Variants in COL15A1 observed in about 807,000 individuals in gnomAD.
COL15A1 encodes the protein collagen type XV alpha 1 chain.
In COL15A1, 111 loss-of-function variants were observed where a neutral mutation model predicts 165.9. The observed-to-expected ratio is 0.67, with a 90% CI of 0.57 to 0.78. The LOEUF is 0.78. COL15A1 is among the 30% of genes least tolerant of loss of function. The pLI is 0.00. For missense variants in COL15A1, 1,745 were observed against 1,789.7 expected (o/e 0.98, Z 0.45); for synonymous variants, 659 against 674.8 (o/e 0.98, Z 0.36).
At chr9:99,001,739 T>G (rs983901763) in intron 7 of COL15A1, among the ~76,000 whole-genome samples, 2 of 152,170 alleles carry the variant, frequency 1.3e-5, no homozygotes, top group Non-Finnish European at 2.9e-5. Flanking sequence ...TTTTAACATC[T>G]GCAGGGGCTG....
intron 2 of COL15A1, among the ~76,000 whole-genome samples, chr9:98,980,387 G>A (rs1273704187): frequency 6.6e-6 from 1 of 152,248 alleles, no homozygotes; most frequent in South Asian, 2.1e-4. Context: ...GAGGTGAAGC[G>A]AGATTTCAGG....
chr9:98,991,722 C>T (rs1481908020), intron 5 of COL15A1, among the ~76,000 whole-genome samples: 1 of 152,082 alleles, frequency 6.6e-6, no homozygotes, highest in Admixed American at 6.5e-5. Flanking sequence ...ATTAGCTAGA[C>T]ACAGAGAACT....
intron 16 of COL15A1, among the ~76,000 whole-genome samples, chr9:99,027,509 T>A (rs1839146183): frequency 6.6e-6 from 1 of 152,194 alleles, no homozygotes; most frequent in South Asian, 2.1e-4. Context: ...ACCACAGACC[T>A]ACACTCTTCT....
rs578081273 is a variant in COL15A1 at position 98,970,809 on chromosome 9, G to A, written c.101-14756G>A. ...TGTGTCAGTGTGTGAGTTTGTATGA[G>A]TCTAGGGTGAGTGCGGGTGGAGGTG... On this transcript the variant is annotated intron_variant, in intron 2 of 41. Transcript: ENST00000375001. 3.3e-5 allele frequency among the ~76,000 whole-genome samples: 5 copies of A among 152,098 alleles called. No homozygotes were observed. In the South Asian group the frequency reaches 1.0e-3, roughly 32 times the overall value.
At chr9:98,947,804 C>T (rs1837609242) in intron 2 of COL15A1, among the ~76,000 whole-genome samples, 1 of 152,170 alleles carries the variant, frequency 6.6e-6, no homozygotes, top group African/African-American at 2.4e-5. Flanking sequence ...AGAACACATG[C>T]ATATGGGTTT....
chr9:98,950,449 T>G (rs1385116108), intron 2 of COL15A1, among the ~76,000 whole-genome samples: 7 of 146,394 alleles, frequency 4.8e-5, no homozygotes, highest in Non-Finnish European at 1.1e-4. Flanking sequence ...TCTTTCTCCT[T>G]CCTTCCCTCC....
intron 39 of COL15A1, among the ~76,000 whole-genome samples, chr9:99,064,014 A>G (rs528876378): frequency 3.9e-5 from 6 of 152,298 alleles, no homozygotes; most frequent in African/African-American, 1.4e-4. Context: ...ACTCCATCAC[A>G]GGAAGAACAG....
At chr9:98,947,879 A>G (rs532409091) in intron 2 of COL15A1, among the ~76,000 whole-genome samples, 7 of 152,172 alleles carry the variant, frequency 4.6e-5, no homozygotes, top group Non-Finnish European at 1.0e-4. Context: ...TGCACGCCCT[A>G]AAACAGCACA....
chr9:99,024,288 T>TTTG lies in COL15A1; in HGVS notation c.1855-584_1855-583insGTT, dbSNP rs1839082687. Among the ~76,000 whole-genome samples, 2 of 145,310 alleles carry TTTG rather than the reference T, an allele frequency of 1.4e-5. 1 individual carries two copies. The highest frequency in any genetic ancestry group is 5.2e-5 in the African/African-American group (2 of 38,804). On this transcript the variant is annotated intron_variant, in intron 14 of 41. Coordinates refer to ENST00000375001, the MANE Select transcript of COL15A1 (RefSeq NM_001855.5). ...AAGCAGTTTTTTTTGTTTTTTTGTTTTTTTTTTTTTGAGATGGAGTCTTGC... is the reference window on the plus strand; with the variant it reads ...AAGCAGTTTTTTTTGTTTTTTTGTTTTTGTTTTTTTTTTGAGATGGAGTCTTGC...
intron 35 of COL15A1, among the ~76,000 whole-genome samples, chr9:99,059,299 A>T (rs1825773556): frequency 6.6e-6 from 1 of 152,196 alleles, no homozygotes; most frequent in Non-Finnish European, 1.5e-5. Context: ...CAGCCCAGGG[A>T]AGAAGAAATG....
intron 28 of COL15A1, 110 bp from the exon 29 acceptor site, chr9:99,049,580 G>A: frequency 7.4e-7 from 1 of 1,352,998 alleles, no homozygotes; most frequent in East Asian, 2.5e-5. Context: ...GAGAGAAGTT[G>A]GTTGGCTTCA....
intron 13 of COL15A1, among the ~76,000 whole-genome samples, chr9:99,022,702 G>T (rs1041733673): frequency 2.0e-5 from 3 of 152,160 alleles, no homozygotes; most frequent in African/African-American, 7.2e-5. Context: ...AGCTCTTCTG[G>T]GTGCCTCTCA....
chr9:99,020,583 G>A (rs948510731), intron 12 of COL15A1, 141 bp downstream of exon 12: 1 of 641,240 alleles, frequency 1.6e-6, no homozygotes, highest in Non-Finnish European at 2.8e-6. Context: ...AAATGGACTT[G>A]TAGGTCTGGG....
Position 99,047,859 on chromosome 9 carries a change from G to A in COL15A1, c.2733+20G>A. 1 of 1,613,892 alleles carries A rather than the reference G, an allele frequency of 6.2e-7. No individual in the cohort carries two copies. The highest frequency in any genetic ancestry group is 8.5e-7 in the Non-Finnish European group (1 of 1,179,820). On this transcript the variant is annotated intron_variant, in intron 27 of 41. Transcript: ENST00000375001. ...CGACCTGTAGGTATCAGTGTTCATT[G>A]GACAGGCTGGAGGGGGAGGACACGT...
rs377177152 is a variant in COL15A1, at chr9:98,960,764, A to G, written c.100+16514A>G. On this transcript the variant is annotated intron_variant, in intron 2 of 41. Coordinates refer to ENST00000375001, the MANE Select transcript of COL15A1 (RefSeq NM_001855.5). ...AAGCTCTTAGCACAGTGCCTGGCAC[A>G]TGGAAAGCCCTTAATGAAGGGGAGT... is the stretch of plus-strand genomic sequence containing the variant. Among the ~76,000 whole-genome samples the G allele has an allele frequency of 9.2e-4, 140 of 152,370 alleles. 1 individual carries two copies. The highest frequency in any genetic ancestry group is 1.5e-3 in the Non-Finnish European group (101 of 68,036).
At chr9:99,053,768 C>T (rs1365798064) in intron 31 of COL15A1, among the ~76,000 whole-genome samples, 2 of 152,176 alleles carry the variant, frequency 1.3e-5, no homozygotes, top group African/African-American at 2.4e-5. Context: ...TGCTCATATT[C>T]CCTCCCCTTC....
rs1180020274 is a variant in COL15A1, at chr9:99,042,062, A to C, written c.2529A>C (p.Lys843Asn). The change falls in exon 24 of 42, where the codon AAA becomes AAC. Residue 843 changes from lysine to asparagine, a missense_variant. Physicochemically the swap from Lys to Asn is moderately conservative, Grantham distance 94. Coordinates refer to ENST00000375001, the MANE Select transcript of COL15A1 (RefSeq NM_001855.5). ...CCTTCCAGGGTCCTAGAGGACCAAA[A>C]GGTGACACTGGTTTACCTGGCTTTC... ...LPGFPGPRGP[K>N]GDTGLPGFPG... is the part of the protein sequence containing the mutation. 2 of 1,611,688 alleles carry C rather than the reference A, an allele frequency of 1.2e-6. No individual in the cohort carries two copies. The highest frequency in any genetic ancestry group is 2.2e-5 in the East Asian group (1 of 44,876).
In COL15A1 at chr9:99,054,577, T is replaced by A. The variant is rs141469032; in HGVS notation, c.2952T>A (p.Gly984=). ...TAACATGTATGTGTTTGGTGGCAGG[T>A]GTTAAAGGAGAGAAAGGATCCTGGG... ...PGSPELITFH[G]VKGEKGSWGL... is the part of the protein sequence containing the mutation. Residue 984 remains glycine, a splice_region_variant and synonymous_variant, in exon 32 of 42, where the codon GGT becomes GGA. Transcript: ENST00000375001. The A allele has an allele frequency of 1.2e-6, 2 of 1,609,594 alleles. No homozygotes were observed. Among genetic ancestry groups the A allele is most frequent in the South Asian group, 2.2e-5 (2 of 90,338 alleles).
At chr9:98,996,226 T>C (rs1307536130) in intron 5 of COL15A1, among the ~76,000 whole-genome samples, 1 of 152,238 alleles carries the variant, frequency 6.6e-6, no homozygotes, top group African/African-American at 2.4e-5. Flanking sequence ...ACAGGATTCT[T>C]CCATGCACCC....
Sources: allele counts gnomAD v4.1 joint callset (sites outside exome capture counted in the v4.1 genomes callset), GRCh38; gene constraint gnomAD v4.1.1; transcripts MANE v1.5; gene names NCBI Gene and HGNC (gene_info 2026-07-23, HGNC 2026-07-21).